The following P3H2 variants were observed in gnomAD, a reference collection of about 807,000 sequenced individuals.
P3H2 encodes leprecan-like 1.
P3H2 carries 80 observed loss-of-function variants against 87.0 expected under a neutral mutation model. The observed-to-expected ratio is 0.92, with a 90% CI of 0.77 to 1.11. The LOEUF (loss-of-function observed/expected upper bound fraction) is 1.11, where lower values mean the gene tolerates loss of function less well. Ranked by LOEUF, P3H2 falls within the 50% of genes least tolerant of loss-of-function variation. The pLI is 0.00. For synonymous variants in P3H2, 367 were observed against 359.3 expected (o/e 1.02, Z -0.24); for missense variants, 1,001 against 923.9 (o/e 1.08, Z -1.08).
chr3:189,980,623 A>G (rs372977562), intron 8 of P3H2, among the ~76,000 whole-genome samples: 1 of 152,188 alleles, frequency 6.6e-6, no homozygotes, highest in East Asian at 1.9e-4. Flanking sequence ...ATCTATCTAC[A>G]ACTGTTCTTA....
At chr3:190,111,352 G>C (rs531362668) in intron 1 of P3H2, among the ~76,000 whole-genome samples, 66 of 152,276 alleles carry the variant, frequency 4.3e-4, no homozygotes, top group Admixed American at 2.5e-3. Flanking sequence ...ATGGAAGTCA[G>C]GGTTCTTGGA....
intron 1 of P3H2, among the ~76,000 whole-genome samples, chr3:190,061,503 C>T (rs1962321): frequency 0.11 from 16,509 of 152,024 alleles, 2,576 homozygotes; most frequent in African/African-American, 0.34. Flanking sequence ...GGTTCAACCA[C>T]AAACTTCAGA....
At chr3:190,065,370 C>T (rs968105862) in intron 1 of P3H2, among the ~76,000 whole-genome samples, 1 of 152,100 alleles carries the variant, frequency 6.6e-6, no homozygotes, top group Non-Finnish European at 1.5e-5. Context: ...AGTGTCAATA[C>T]CCAGGAGGAT....
chr3:189,990,059 C>A (rs749174242), intron 3 of P3H2, among the ~76,000 whole-genome samples: 6 of 139,986 alleles, frequency 4.3e-5, no homozygotes, highest in Non-Finnish European at 8.0e-5. Context: ...TTTACCACAA[C>A]TGCCTTTTTT....
At position 190,027,734 on chromosome 3, in the gene P3H2, A is replaced by G. The variant is rs1725126182; in HGVS notation, c.481-32292T>C. ...AATCTTAAGTGGGTAATCGATTCAT[A>G]AAATATTATTTTCTATCACTCACTG... is the stretch of plus-strand genomic sequence containing the variant. On this transcript the variant is annotated intron_variant, in intron 1 of 14. Transcript: ENST00000319332. 3.9e-5 allele frequency among the ~76,000 whole-genome samples: 6 copies of G among 151,978 alleles called. No individual in the cohort carries two copies. In the South Asian group the frequency reaches 1.2e-3, roughly 32 times the overall value.
At chr3:190,115,125 A>G (rs1002531483) in intron 1 of P3H2, among the ~76,000 whole-genome samples, 7 of 152,236 alleles carry the variant, frequency 4.6e-5, no homozygotes, top group African/African-American at 1.4e-4. Flanking sequence ...GGACCAAAAT[A>G]GAATTGTCTA....
intron 8 of P3H2, among the ~76,000 whole-genome samples, chr3:189,977,604 T>C (rs1723391857): frequency 6.6e-6 from 1 of 152,168 alleles, no homozygotes; most frequent in Non-Finnish European, 1.5e-5. Flanking sequence ...AAAAGTAGTC[T>C]TTAAAAAATT....
intron 1 of P3H2, among the ~76,000 whole-genome samples, chr3:190,064,978 TAA>T (rs968097517): frequency 1.3e-5 from 2 of 152,128 alleles, no homozygotes; most frequent in African/African-American, 2.4e-5. Flanking sequence ...TGTTGTTGCG[TAA>T]AGAGTTTGGG....
At chr3:190,033,147 C>T (rs771776094) in intron 1 of P3H2, among the ~76,000 whole-genome samples, 3 of 152,148 alleles carry the variant, frequency 2.0e-5, no homozygotes, top group Admixed American at 1.3e-4. Flanking sequence ...ACTGCTGATC[C>T]GACAGGAGGC....
Position 189,995,395 on chromosome 3 carries a change from C to T in P3H2, c.528G>A (p.Val176=), listed in dbSNP as rs762143106. The part of the protein sequence containing the change: ...KAVEAAHTFF[V]ANPEHMEMQQ... ...GCATTTCCATGTGCTCAGGGTTAGC[C>T]ACGAAAAATGTGTGAGCTGCTTCCA... The change falls in exon 2 of 15, where the codon GTG becomes GTA. Residue 176 remains valine (V), a synonymous_variant. Coordinates refer to ENST00000319332, the MANE Select transcript of P3H2 (RefSeq NM_018192.4). The T allele has an allele frequency of 6.2e-7, 1 of 1,613,874 alleles. No individual in the cohort carries two copies. The highest frequency in any genetic ancestry group is 1.3e-5 in the African/African-American group (1 of 74,954).
Position 190,037,593 on chromosome 3 carries a change from A to ACTCTCTGTT in P3H2, c.481-42160_481-42152dup, listed in dbSNP as rs558441985. Among the ~76,000 whole-genome samples, 780 of 152,130 alleles carry ACTCTCTGTT rather than the reference A, an allele frequency of 5.1e-3. 4 individuals are homozygous for ACTCTCTGTT. The highest frequency in any genetic ancestry group is 0.044 in the Middle Eastern group (13 of 294). ...CACATCTATTCACCTTATTAGCATG[A>ACTCTCTGTT]CTCTCTGTTTTCTTTTTACAATTAC... On this transcript the variant is annotated intron_variant, in intron 1 of 14. Transcript: ENST00000319332.
Position 190,095,809 on chromosome 3 carries a change from A to G in P3H2, c.480+24443T>C, listed in dbSNP as rs573950276. ...GGTAGAGACGGGGTTTCACCATGTT[A>G]GCCAGGATGGTCTCGATCTCCTGAC... On this transcript the variant is annotated intron_variant, in intron 1 of 14. Transcript: ENST00000319332. Among the ~76,000 whole-genome samples the G allele has an allele frequency of 1.7e-4, 26 of 152,066 alleles. 1 individual carries two copies. The East Asian group carries it at 3.5e-3, about 20-fold the overall frequency.
chr3:190,087,898 A>G (rs1727280440), intron 1 of P3H2, among the ~76,000 whole-genome samples: 1 of 152,226 alleles, frequency 6.6e-6, no homozygotes, highest in African/African-American at 2.4e-5. Context: ...ATGCCTTATT[A>G]TATATCACAC....
At chr3:190,032,853 G>T (rs1161499583) in intron 1 of P3H2, among the ~76,000 whole-genome samples, 2 of 152,076 alleles carry the variant, frequency 1.3e-5, no homozygotes, top group Non-Finnish European at 2.9e-5. Context: ...AGGAGGTAGG[G>T]TAGGGCGATG....
At chr3:190,098,726 A>G (rs1264859386) in intron 1 of P3H2, among the ~76,000 whole-genome samples, 1 of 152,198 alleles carries the variant, frequency 6.6e-6, no homozygotes, top group Non-Finnish European at 1.5e-5. Flanking sequence ...GATCATTCAT[A>G]ATTTATTACA....
chr3:190,036,499 T>C (rs896369467), intron 1 of P3H2, among the ~76,000 whole-genome samples: 2 of 28,904 alleles, frequency 6.9e-5, no homozygotes, highest in African/African-American at 2.9e-4. Flanking sequence ...ATAATTTCAT[T>C]CTTAACGTAA....
chr3:189,999,631 A>G (rs111606210), intron 1 of P3H2, among the ~76,000 whole-genome samples: 75 of 152,324 alleles, frequency 4.9e-4, no homozygotes, highest in African/African-American at 1.8e-3. Flanking sequence ...AAAGGCTCCA[A>G]ACTGGACTTC....
At chr3:190,084,586 T>C (rs938282968) in intron 1 of P3H2, among the ~76,000 whole-genome samples, 5 of 152,110 alleles carry the variant, frequency 3.3e-5, no homozygotes, top group Non-Finnish European at 5.9e-5. Context: ...GAATCTGAAA[T>C]TGTTACTCTG....
intron 1 of P3H2, among the ~76,000 whole-genome samples, chr3:190,091,627 G>C (rs1327860297): frequency 6.6e-6 from 1 of 152,228 alleles, no homozygotes; most frequent in African/African-American, 2.4e-5. Context: ...GCACAAGCCA[G>C]ATCCTTAACA....
Sources: allele counts gnomAD v4.1 joint callset (sites outside exome capture counted in the v4.1 genomes callset), GRCh38; gene constraint gnomAD v4.1.1; transcripts MANE v1.5; gene names NCBI Gene and HGNC (gene_info 2026-07-23, HGNC 2026-07-21).